SOX6: variants seen among roughly 807,000 people sequenced by gnomAD.
The protein encoded by SOX6 is transcription factor SOX-6.
Under a neutral mutation model 97.8 loss-of-function variants are expected in SOX6, and 11 were observed. The ratio of observed to expected loss-of-function variants is 0.11; its 90% CI spans 0.07 to 0.19. The LOEUF is 0.19. SOX6 is among the 10% of genes least tolerant of loss of function. SOX6 has a pLI of 1.00. For missense variants in SOX6, 810 were observed against 1,039.5 expected (o/e 0.78, Z 3.04); for synonymous variants, 360 against 371.4 (o/e 0.97, Z 0.35).
At chr11:16,455,787 A>G (rs1859799721) in intron 1 of SOX6, among the ~76,000 whole-genome samples, 1 of 152,162 alleles carries the variant, frequency 6.6e-6, no homozygotes, top group Admixed American at 6.6e-5. Context: ...TTATAAAATA[A>G]CTTTAAGTCC....
intron 1 of SOX6, among the ~76,000 whole-genome samples, chr11:16,386,150 G>A (rs982918000): frequency 1.3e-5 from 2 of 152,046 alleles, no homozygotes; most frequent in Non-Finnish European, 2.9e-5. Context: ...CAGAGTTGTT[G>A]TTTTTTGTTG....
chr11:16,114,928 G>C lies in SOX6; in HGVS notation c.778-3005C>G, dbSNP rs1011092509. Reference sequence around the variant, plus strand: ...CTCAGTGCCTTAAATTACTTCTTTTGTAACTTTCCATCTTCATGAGATAAC... The same window carrying C: ...CTCAGTGCCTTAAATTACTTCTTTTCTAACTTTCCATCTTCATGAGATAAC... On this transcript the variant is annotated intron_variant, in intron 6 of 15. Coordinates refer to ENST00000683767, the MANE Select transcript of SOX6 (RefSeq NM_001367873.1). Among the ~76,000 whole-genome samples the C allele has an allele frequency of 2.0e-5, 3 of 152,118 alleles. No homozygotes were observed. The South Asian group carries it at 6.2e-4, about 32-fold the overall frequency.
chr11:16,390,035 T>C (rs1390325175), intron 1 of SOX6, among the ~76,000 whole-genome samples: 1 of 150,034 alleles, frequency 6.7e-6, no homozygotes, highest in Non-Finnish European at 1.5e-5. Flanking sequence ...ATATTTTGTC[T>C]TACCTGCAGT....
At chr11:16,185,402 C>G (rs530481273) in intron 5 of SOX6, among the ~76,000 whole-genome samples, 1 of 152,192 alleles carries the variant, frequency 6.6e-6, no homozygotes, top group Admixed American at 6.5e-5. Flanking sequence ...TGCCACTAGG[C>G]ATCTAATATT....
intron 4 of SOX6, among the ~76,000 whole-genome samples, chr11:16,509,944 T>G (rs1448699956): frequency 1.3e-5 from 2 of 152,118 alleles, no homozygotes. Flanking sequence ...TTCATTTTAA[T>G]GCTCTTGAAA....
At chr11:16,081,619 C>G (rs1848474646) in intron 9 of SOX6, among the ~76,000 whole-genome samples, 1 of 152,100 alleles carries the variant, frequency 6.6e-6, no homozygotes, top group Non-Finnish European at 1.5e-5. Flanking sequence ...AAGGAATAAT[C>G]TTATGTTTTT....
At chr11:16,695,193 C>T (rs1337586775) in intron 3 of SOX6, among the ~76,000 whole-genome samples, 3 of 152,178 alleles carry the variant, frequency 2.0e-5, no homozygotes, top group Non-Finnish European at 4.4e-5. Context: ...AAAAAGAAGA[C>T]TTTCATCAAT....
intron 1 of SOX6, among the ~76,000 whole-genome samples, chr11:16,376,996 C>T (rs879601451): frequency 1.3e-5 from 2 of 151,194 alleles, no homozygotes; most frequent in Non-Finnish European, 3.0e-5. Context: ...AAATGAAAAC[C>T]TCATAAAGCA....
At chr11:16,034,295 T>A (rs921072112) in intron 12 of SOX6, among the ~76,000 whole-genome samples, 16 of 152,186 alleles carry the variant, frequency 1.1e-4, no homozygotes, top group African/African-American at 3.6e-4. Context: ...CAAGACACCC[T>A]TTGTGTTATT....
intron 3 of SOX6, among the ~76,000 whole-genome samples, chr11:16,627,617 C>T (rs1203915664): frequency 2.6e-5 from 4 of 152,090 alleles, no homozygotes; most frequent in African/African-American, 7.2e-5. Flanking sequence ...TGTCTGTTCA[C>T]GTCTTTTCCC....
chr11:16,199,781 A>G (rs1851884064), intron 4 of SOX6, among the ~76,000 whole-genome samples: 1 of 152,230 alleles, frequency 6.6e-6, no homozygotes, highest in African/African-American at 2.4e-5. Flanking sequence ...TTCTGTATTC[A>G]GAAAATATTA....
At chr11:16,317,954 T>G (rs1855798869) in intron 3 of SOX6, 1 of 453,102 alleles carries the variant, frequency 2.2e-6, no homozygotes, top group Non-Finnish European at 4.4e-6. Flanking sequence ...AAGAAGTCAC[T>G]CATATACTTT....
chr11:15,978,939 A>ATATATATATAT (rs1853579680), intron 15 of SOX6, among the ~76,000 whole-genome samples: 1 of 139,042 alleles, frequency 7.2e-6, no homozygotes, highest in Non-Finnish European at 1.6e-5. Context: ...TATTATATAT[A>ATATATATATAT]AAATAAGCAT....
chr11:16,209,038 T>C (rs1297711899), intron 4 of SOX6, among the ~76,000 whole-genome samples: 2 of 152,156 alleles, frequency 1.3e-5, no homozygotes, highest in Non-Finnish European at 2.9e-5. Context: ...AAACAACATA[T>C]TGTGACAGAC....
At chr11:16,288,061 T>A (rs184236566) in intron 3 of SOX6, among the ~76,000 whole-genome samples, 1 of 152,166 alleles carries the variant, frequency 6.6e-6, no homozygotes, top group East Asian at 1.9e-4. Flanking sequence ...TTTCATACTT[T>A]ACAGGTACAC....
At chr11:16,641,617 T>C (rs577815641) in intron 3 of SOX6, among the ~76,000 whole-genome samples, 8 of 152,378 alleles carry the variant, frequency 5.3e-5, no homozygotes, top group Middle Eastern at 3.4e-3. Context: ...ATACTTAGGA[T>C]AGTTAGCTCT....
chr11:16,422,201 T>C (rs1169543089), intron 1 of SOX6, among the ~76,000 whole-genome samples: 1 of 152,214 alleles, frequency 6.6e-6, no homozygotes, highest in African/African-American at 2.4e-5. Context: ...AGATGGCAAC[T>C]AATACTACAT....
At chr11:16,084,420 T>A (rs1848535574) in intron 9 of SOX6, among the ~76,000 whole-genome samples, 1 of 151,884 alleles carries the variant, frequency 6.6e-6, no homozygotes, top group South Asian at 2.1e-4. Context: ...AATGAATGAA[T>A]AAGAGAGATA....
chr11:16,726,683 G>A (rs1021071424), intron 2 of SOX6, among the ~76,000 whole-genome samples: 1 of 152,110 alleles, frequency 6.6e-6, no homozygotes, highest in Admixed American at 6.5e-5. Flanking sequence ...GAAGAACAGG[G>A]CAAAAGTAAA....
Sources: gnomAD v4.1 joint callset for allele counts (sites outside exome capture counted in the v4.1 genomes callset) on GRCh38, gnomAD v4.1.1 for gene constraint, MANE v1.5 for transcripts, NCBI Gene and HGNC (gene_info 2026-07-23, HGNC 2026-07-21) for gene names.